P2RY11: variants seen among roughly 807,000 people sequenced by gnomAD.
The protein encoded by P2RY11 is purinergic receptor P2Y11.
P2RY11 carries 3 observed loss-of-function variants against 2.4 expected under a neutral mutation model. That is an observed-to-expected ratio of 1.22 (90% confidence interval 0.56 to 3.17). The LOEUF (loss-of-function observed/expected upper bound fraction) is 3.17. Among genes scored for constraint, P2RY11 ranks in the 30% most tolerant of loss-of-function variants. The pLI is 0.03. For missense variants in P2RY11, 670 were observed against 528.2 expected, an observed-to-expected ratio of 1.27 and a Z score of -2.63; for synonymous variants, 307 against 237.3, an observed-to-expected ratio of 1.29 and a Z score of -2.70.
At position 10,115,092 on chromosome 19, in the gene P2RY11, C is replaced by T. The variant is rs201130706; in HGVS notation, c.*354C>T. 2.3e-5 allele frequency: 37 copies of T among 1,613,928 alleles called. No individual in the cohort carries two copies. The highest frequency in any genetic ancestry group is 2.7e-5 in the African/African-American group (2 of 75,052). The stretch of plus-strand genomic sequence containing the variant: ...TCTTCTGTCGCCAAGGGTCCCGGAC[C>T]GAGTACACAGTGGCAGCTGGCTTAG... On this transcript the variant is annotated 3_prime_UTR_variant, in exon 2 of 2. Transcript: ENST00000321826.
chr19:10,113,630 C>T lies in P2RY11; in HGVS notation c.20-3C>T, dbSNP rs1369579795. 1 of 1,606,346 alleles carries T rather than the reference C, an allele frequency of 6.2e-7. No homozygotes were observed. Among genetic ancestry groups the T allele is most frequent in the East Asian group, 2.2e-5 (1 of 44,642 alleles). ...CTCAGCTGGTGACACCTTCTGCCCACAGGTGCCAAGTCCTGCCCTGCCAAC... is the reference window on the plus strand; with the variant it reads ...CTCAGCTGGTGACACCTTCTGCCCATAGGTGCCAAGTCCTGCCCTGCCAAC... On this transcript the variant is annotated splice_region_variant and splice_polypyrimidine_tract_variant and intron_variant, in intron 1 of 1. Coordinates refer to ENST00000321826, the MANE Select transcript of P2RY11 (RefSeq NM_002566.5).
chr19:10,114,520 T>A lies in P2RY11; in HGVS notation c.907T>A (p.Tyr303Asn). Reference sequence around the variant, plus strand: ...CCTGGAGCTGGGGCCCTACGTGGGCTACCAGGTGATGCGGGGCCTCATGCC... The same window carrying A: ...CCTGGAGCTGGGGCCCTACGTGGGCAACCAGGTGATGCGGGGCCTCATGCC... ...AALELGPYVG[Y>N]QVMRGLMPLA... Residue 303 changes from tyrosine to asparagine, a missense_variant, in exon 2 of 2, where the codon TAC (tyrosine) becomes AAC (asparagine). By Grantham distance (143) the Tyr-to-Asn change is moderately radical (BLOSUM62 -2). Coordinates refer to ENST00000321826, the MANE Select transcript of P2RY11 (RefSeq NM_002566.5). The A allele has an allele frequency of 6.2e-7, 1 of 1,610,288 alleles. No homozygotes were observed.
At position 10,113,921 on chromosome 19, in the gene P2RY11, G is replaced by T; in HGVS notation, c.308G>T (p.Arg103Leu). Residue 103 changes from arginine (R) to leucine (L), a missense_variant, in exon 2 of 2, where the codon CGC becomes CTC. Arg to Leu is a moderately radical substitution (Grantham distance 102, BLOSUM62 -2). Coordinates refer to ENST00000321826, the MANE Select transcript of P2RY11 (RefSeq NM_002566.5). ...KHWRYGEAAC[R>L]LERFLFTCNL... ...TGGCGCTATGGGGAGGCCGCGTGCC[G>T]CCTGGAGCGCTTCCTCTTCACCTGC... The T allele has an allele frequency of 3.1e-6, 5 of 1,604,086 alleles. No homozygotes were observed. The South Asian group carries it at 4.4e-5, about 14-fold the overall frequency.
At position 10,114,235 on chromosome 19, in the gene P2RY11, G is replaced by C. The variant is rs1430175314; in HGVS notation, c.622G>C (p.Val208Leu). The C allele has an allele frequency of 2.5e-6, 4 of 1,599,360 alleles. No individual in the cohort carries two copies. The highest frequency in any genetic ancestry group is 1.3e-5 in the African/African-American group (1 of 74,906). ...GLAAYRAYSL[V>L]LAGLGCGLPL... ...GGCGGCCTACAGAGCGTATAGCCTG[G>C]TGCTGGCGGGGTTGGGCTGCGGCCT... Residue 208 changes from valine (V) to leucine (L), a missense_variant, in exon 2 of 2, where the codon GTG becomes CTG. By Grantham distance (32) the Val-to-Leu change is conservative (BLOSUM62 1). Transcript: ENST00000321826.
chr19:10,114,443 G>A lies in P2RY11; in HGVS notation c.830G>A (p.Arg277His), dbSNP rs759308914. Residue 277 changes from arginine to histidine, a missense_variant, in exon 2 of 2, where the codon CGC (arginine) becomes CAC (histidine). Physicochemically the swap from Arg to His is conservative, Grantham distance 29 (BLOSUM62 0). Transcript: ENST00000321826. Reference protein sequence around the residue: ...MRVLNVDARRRWSTRCPSFAD... With the variant: ...MRVLNVDARRHWSTRCPSFAD... ...GTGCTCAACGTGGATGCTCGGCGGC[G>A]CTGGAGCACCCGCTGCCCGAGCTTT... The A allele has an allele frequency of 2.1e-5, 34 of 1,611,432 alleles. No individual in the cohort carries two copies. Among genetic ancestry groups the A allele is most frequent in the African/African-American group, 1.3e-4 (10 of 74,934 alleles).
In P2RY11 at chr19:10,114,672, C is replaced by T; in HGVS notation, c.1059C>T (p.Ala353=). 1 of 1,613,916 alleles carries T rather than the reference C, an allele frequency of 6.2e-7. No homozygotes were observed. The highest frequency in any genetic ancestry group is 8.5e-7 in the Non-Finnish European group (1 of 1,179,880). ...AGGACGCCAAGAGCACTGGCCAAGC[C>T]CTGCCCCTCAATGCCACAGCCGCCC... The part of the protein sequence containing the change: ...NPEDAKSTGQ[A]LPLNATAAPK... The change falls in exon 2 of 2, where the codon GCC becomes GCT. Residue 353 remains alanine (A), a synonymous_variant. Transcript: ENST00000321826.
chr19:10,112,631 G>A (rs974975559), intron 1 of P2RY11, among the ~76,000 whole-genome samples: 7 of 152,178 alleles, frequency 4.6e-5, no homozygotes, highest in African/African-American at 1.7e-4. Context: ...GACGTGGGAA[G>A]AGGAGCCTCA....
rs767170272 is a variant in P2RY11 at position 10,113,769 on chromosome 19, C to A, written c.156C>A (p.Arg52=). ...AVASNGLALY[R]FSIRKQRPWH... ...CCAGCAATGGCCTGGCCCTGTACCGCTTCAGCATCCGGAAGCAGCGCCCAT... is the reference window on the plus strand; with the variant it reads ...CCAGCAATGGCCTGGCCCTGTACCGATTCAGCATCCGGAAGCAGCGCCCAT... The change falls in exon 2 of 2, where the codon CGC becomes CGA. Residue 52 remains arginine (R), a synonymous_variant. Coordinates refer to ENST00000321826, the MANE Select transcript of P2RY11 (RefSeq NM_002566.5). 5.6e-6 allele frequency: 9 copies of A among 1,613,964 alleles called. No homozygotes were observed. In the African/African-American group the frequency reaches 1.1e-4, roughly 19 times the overall value.
chr19:10,114,655 A>C lies in P2RY11; in HGVS notation c.1042A>C (p.Lys348Gln), dbSNP rs781172866. ...YRDSWNPEDA[K>Q]STGQALPLNA... is the part of the protein sequence containing the mutation. ...GGACAGCTGGAACCCAGAGGACGCC[A>C]AGAGCACTGGCCAAGCCCTGCCCCT... is the stretch of plus-strand genomic sequence containing the variant. Residue 348 changes from lysine (K) to glutamine (Q), a missense_variant, in exon 2 of 2, where the codon AAG becomes CAG. Lys to Gln is a moderately conservative substitution (Grantham distance 53, BLOSUM62 1). Transcript: ENST00000321826. 1 of 1,614,060 alleles carries C rather than the reference A, an allele frequency of 6.2e-7. No homozygotes were observed. Among genetic ancestry groups the C allele is most frequent in the South Asian group, 1.1e-5 (1 of 91,080 alleles).
At position 10,115,237 on chromosome 19, in the gene P2RY11, G is replaced by A; in HGVS notation, c.*499G>A. 2 of 1,411,740 alleles carry A rather than the reference G, an allele frequency of 1.4e-6. No individual in the cohort carries two copies. Among genetic ancestry groups the A allele is most frequent in the Non-Finnish European group, 1.9e-6 (2 of 1,034,274 alleles). The allele number at this position is 1,411,740 out of a possible 1,614,324, so 87.5% of individuals were successfully genotyped here. The stretch of plus-strand genomic sequence containing the variant: ...GTGGGCAGAGGACGGGGTAATGTGA[G>A]GACGAAGCGGGCACGGAGCCAGATG... On this transcript the variant is annotated 3_prime_UTR_variant, in exon 2 of 2. Transcript: ENST00000321826.
chr19:10,114,827 A>G lies in P2RY11; in HGVS notation c.*89A>G, dbSNP rs566432369. On this transcript the variant is annotated 3_prime_UTR_variant, in exon 2 of 2. Coordinates refer to ENST00000321826, the MANE Select transcript of P2RY11 (RefSeq NM_002566.5). ...CGAGCCCCGACACATCCCTTCCCCC[A>G]AAAAGCAACACCTGTGCTTGCAGCC... 1.1e-5 allele frequency: 17 copies of G among 1,513,418 alleles called. No homozygotes were observed. Among genetic ancestry groups the G allele is most frequent in the South Asian group, 1.0e-4 (8 of 76,624 alleles). 93.7% of individuals were successfully genotyped at this position (1,513,418 alleles called of 1,614,324 possible).
chr19:10,115,265 C>T lies in P2RY11; in HGVS notation c.*527C>T. 1 of 1,247,218 alleles carries T rather than the reference C, an allele frequency of 8.0e-7. No homozygotes were observed. Among genetic ancestry groups the T allele is most frequent in the Non-Finnish European group, 1.1e-6 (1 of 898,728 alleles). 77.3% of individuals were successfully genotyped at this position (1,247,218 alleles called of 1,614,324 possible). A position where few individuals can be genotyped will look rare whatever the true frequency, so the allele number is the denominator to read the frequency against. On this transcript the variant is annotated 3_prime_UTR_variant, in exon 2 of 2. Coordinates refer to ENST00000321826, the MANE Select transcript of P2RY11 (RefSeq NM_002566.5). ...CGAAGCGGGCACGGAGCCAGATGGC[C>T]AGTCTCCAGGCCTGGTCCACGGACT... is the stretch of plus-strand genomic sequence containing the variant.
chr19:10,115,074 T>C lies in P2RY11; in HGVS notation c.*336T>C, dbSNP rs763919359. On this transcript the variant is annotated 3_prime_UTR_variant, in exon 2 of 2. Transcript: ENST00000321826. ...CCGCGCTCTCGGAGGCTGTCTTCTG[T>C]CGCCAAGGGTCCCGGACCGAGTACA... is the stretch of plus-strand genomic sequence containing the variant. 13 of 1,613,342 alleles carry C rather than the reference T, an allele frequency of 8.1e-6. No homozygotes were observed. Among genetic ancestry groups the C allele is most frequent in the South Asian group, 3.3e-5 (3 of 90,850 alleles).
At position 10,114,204 on chromosome 19, in the gene P2RY11, C is replaced by T. The variant is rs747128467; in HGVS notation, c.591C>T (p.His197=). 6.4e-5 allele frequency: 102 copies of T among 1,600,126 alleles called. No individual in the cohort carries two copies. The highest frequency in any genetic ancestry group is 7.3e-5 in the Non-Finnish European group (86 of 1,179,480). ...TCAAGTGTCTGGGGACAGCAGACCA[C>T]GGGCTGGCGGCCTACAGAGCGTATA... ...ACIKCLGTAD[H]GLAAYRAYSL... is the part of the protein sequence containing the mutation. The change falls in exon 2 of 2, where the codon CAC becomes CAT. Residue 197 remains histidine (H), a synonymous_variant. Coordinates refer to ENST00000321826, the MANE Select transcript of P2RY11 (RefSeq NM_002566.5).
intron 1 of P2RY11, among the ~76,000 whole-genome samples, chr19:10,113,071 G>A (rs1226068087): frequency 2.6e-5 from 4 of 152,210 alleles, no homozygotes; most frequent in Non-Finnish European, 4.4e-5. Context: ...TATGGCGGGC[G>A]GGAGCGCTCT....
chr19:10,113,573 G>A (rs1417296142), intron 1 of P2RY11, 60 bp from the exon 2 acceptor site: 1 of 1,552,628 alleles, frequency 6.4e-7, no homozygotes, highest in African/African-American at 1.4e-5. Context: ...GGGCTCTTGG[G>A]GTAGCAGGAG....
chr19:10,112,189 G>T lies in P2RY11; in HGVS notation c.19+449G>T, dbSNP rs189182773. ...GCTACTCGGGAGGCTGAGGCAGGGGGATCACTTGACCCCAGGAGGTCGAGA... is the reference window on the plus strand; with the variant it reads ...GCTACTCGGGAGGCTGAGGCAGGGGTATCACTTGACCCCAGGAGGTCGAGA... On this transcript the variant is annotated intron_variant, in intron 1 of 1. Transcript: ENST00000321826. 3.8e-3 allele frequency: 691 copies of T among 180,242 alleles called. 22 individuals carry two copies. In the South Asian group the frequency reaches 0.042, roughly 11 times the overall value. The allele number at this position is 180,242 out of a possible 1,614,324, so 11.2% of individuals were successfully genotyped here. A position where few individuals can be genotyped will look rare whatever the true frequency, so the allele number is the denominator to read the frequency against.
rs758982075 is a variant in P2RY11, at chr19:10,113,899, C to G, written c.286C>G (p.Arg96Gly). 3.7e-6 allele frequency: 6 copies of G among 1,608,168 alleles called. No individual in the cohort carries two copies. The highest frequency in any genetic ancestry group is 4.2e-6 in the Non-Finnish European group (5 of 1,179,806). Reference sequence around the variant, plus strand: ...CTACCTCTATCCCCCCAAGCACTGGCGCTATGGGGAGGCCGCGTGCCGCCT... The same window carrying G: ...CTACCTCTATCCCCCCAAGCACTGGGGCTATGGGGAGGCCGCGTGCCGCCT... ...AAYLYPPKHWRYGEAACRLER... is the reference protein window; with the variant it reads ...AAYLYPPKHWGYGEAACRLER... Residue 96 changes from arginine to glycine, a missense_variant, in exon 2 of 2, where the codon CGC (arginine) becomes GGC (glycine). Arg to Gly is a moderately radical substitution (Grantham distance 125, BLOSUM62 -2). Transcript: ENST00000321826.
In P2RY11 at chr19:10,115,346, C is replaced by A. The variant is rs779383471; in HGVS notation, c.*608C>A. On this transcript the variant is annotated 3_prime_UTR_variant, in exon 2 of 2. Transcript: ENST00000321826. ...CCCTCTGCCCGGTTTTGGAAAAAAA[C>A]AATAAAGGACTGTCCCCTCAAAACC... The A allele has an allele frequency of 9.1e-6, 11 of 1,203,068 alleles. No individual in the cohort carries two copies. Among genetic ancestry groups the A allele is most frequent in the East Asian group, 2.5e-5 (1 of 39,940 alleles). The allele number at this position is 1,203,068 out of a possible 1,614,324, so 74.5% of individuals were successfully genotyped here.
Sources: gnomAD v4.1 joint callset for allele counts (sites outside exome capture counted in the v4.1 genomes callset) on GRCh38, gnomAD v4.1.1 for gene constraint, MANE v1.5 for transcripts, NCBI Gene and HGNC (gene_info 2026-07-23, HGNC 2026-07-21) for gene names.